The following EPHA6 variants were observed in gnomAD, a reference collection of about 807,000 sequenced individuals.
EPHA6 encodes ephrin type-A receptor 6.
EPHA6 carries 50 observed loss-of-function variants against 112.0 expected under a neutral mutation model. The ratio of observed to expected loss-of-function variants is 0.45; its 90% CI spans 0.36 to 0.56. EPHA6 has a LOEUF of 0.56. Among genes scored for constraint, EPHA6 ranks in the 20% least tolerant of loss-of-function variants. The probability of loss-of-function intolerance (pLI) is 0.00; values close to 1 mark genes in which losing one functional copy is unlikely to be tolerated. For synonymous variants in EPHA6, 529 were observed against 490.7 expected (o/e 1.08, Z -1.03); for missense variants, 1,280 against 1,417.4 (o/e 0.90, Z 1.56).
At chr3:96,830,542 A>G (rs985684797) in intron 1 of EPHA6, among the ~76,000 whole-genome samples, 8 of 152,070 alleles carry the variant, frequency 5.3e-5, no homozygotes, top group Non-Finnish European at 7.4e-5. Context: ...GGTAACCACA[A>G]AGGAAAAAGA....
intron 5 of EPHA6, among the ~76,000 whole-genome samples, chr3:97,298,138 T>C (rs1386230415): frequency 6.6e-6 from 1 of 152,208 alleles, no homozygotes; most frequent in East Asian, 1.9e-4. Context: ...GATTTTTAAA[T>C]CAAACGCAAT....
At chr3:97,075,456 A>T (rs1021415835) in intron 3 of EPHA6, among the ~76,000 whole-genome samples, 3 of 151,988 alleles carry the variant, frequency 2.0e-5, no homozygotes, top group Non-Finnish European at 4.4e-5. Context: ...GGCAATAATG[A>T]TATGTTTAGC....
At chr3:97,532,625 A>G (rs989404150) in intron 11 of EPHA6, 82 bp downstream of exon 11, 1 of 1,119,348 alleles carries the variant, frequency 8.9e-7, no homozygotes, top group African/African-American at 1.6e-5. Context: ...CTTCATAATA[A>G]TACCACAGTC....
intron 6 of EPHA6, among the ~76,000 whole-genome samples, chr3:97,422,950 A>G (rs956470758): frequency 5.3e-5 from 8 of 152,194 alleles, no homozygotes; most frequent in Non-Finnish European, 1.2e-4. Context: ...GTAAAATTCA[A>G]CATCACTTCA....
chr3:96,894,679 A>G (rs1402789598), intron 2 of EPHA6, among the ~76,000 whole-genome samples: 1 of 152,180 alleles, frequency 6.6e-6, no homozygotes, highest in East Asian at 1.9e-4. Context: ...TGATGCAAAC[A>G]TCAACAAGGT....
At chr3:97,713,520 A>G (rs548250913) in intron 14 of EPHA6, among the ~76,000 whole-genome samples, 1 of 152,232 alleles carries the variant, frequency 6.6e-6, no homozygotes, top group Non-Finnish European at 1.5e-5. Context: ...GGTTATTAAG[A>G]ACCAATATTT....
intron 17 of EPHA6, among the ~76,000 whole-genome samples, chr3:97,748,099 G>A (rs1430077610): frequency 5.9e-5 from 9 of 151,932 alleles, no homozygotes; most frequent in Non-Finnish European, 1.3e-4. Context: ...GACAGTAATG[G>A]CAATTTCATA....
chr3:96,972,995 T>A (rs2042377488), intron 2 of EPHA6, among the ~76,000 whole-genome samples: 1 of 152,206 alleles, frequency 6.6e-6, no homozygotes, highest in African/African-American at 2.4e-5. Context: ...GAAAGGCTGT[T>A]TGATTGCCTT....
chr3:97,643,840 G>A (rs1376192597), intron 14 of EPHA6, among the ~76,000 whole-genome samples: 1 of 150,482 alleles, frequency 6.6e-6, no homozygotes, highest in Non-Finnish European at 1.5e-5. Flanking sequence ...TTAATAATGG[G>A]AGACTTTAAC....
At chr3:96,954,187 T>C (rs186717975) in intron 2 of EPHA6, among the ~76,000 whole-genome samples, 106 of 152,286 alleles carry the variant, frequency 7.0e-4, no homozygotes, top group Non-Finnish European at 1.1e-3. Context: ...AGTAGCATCT[T>C]AACCGCTGTC....
At chr3:96,856,845 G>A (rs2035729639) in intron 1 of EPHA6, among the ~76,000 whole-genome samples, 1 of 152,002 alleles carries the variant, frequency 6.6e-6, no homozygotes, top group East Asian at 1.9e-4. Flanking sequence ...GGTTCCCTGG[G>A]GAGACAAATC....
intron 3 of EPHA6, among the ~76,000 whole-genome samples, chr3:97,177,924 TG>T (rs766892583): frequency 1.3e-5 from 2 of 152,164 alleles, no homozygotes; most frequent in African/African-American, 2.4e-5. Context: ...ATCTTTTGTT[TG>T]GAGAGTTTGG....
intron 3 of EPHA6, among the ~76,000 whole-genome samples, chr3:96,989,137 A>G (rs9856751): frequency 0.16 from 24,783 of 152,084 alleles, 2,368 homozygotes; most frequent in Non-Finnish European, 0.22. Context: ...TGTTATATTC[A>G]CATTCATTAA....
intron 14 of EPHA6, among the ~76,000 whole-genome samples, chr3:97,641,819 C>T (rs199969844): frequency 1.3e-5 from 2 of 152,148 alleles, no homozygotes; most frequent in African/African-American, 4.8e-5. Context: ...ATTGCTAGCA[C>T]AGCAGTCTGA....
At chr3:97,108,527 C>T (rs1334014543) in intron 3 of EPHA6, among the ~76,000 whole-genome samples, 3 of 152,102 alleles carry the variant, frequency 2.0e-5, no homozygotes, top group Admixed American at 6.6e-5. Context: ...ACAATACTTA[C>T]GTCAAAATGT....
chr3:96,824,439 A>G (rs2033509093), intron 1 of EPHA6, among the ~76,000 whole-genome samples: 1 of 151,688 alleles, frequency 6.6e-6, no homozygotes, highest in East Asian at 1.9e-4. Flanking sequence ...TTCCTTTTAT[A>G]TAAACATTTA....
At chr3:97,337,607 T>C (rs1245628812) in intron 5 of EPHA6, among the ~76,000 whole-genome samples, 1 of 152,144 alleles carries the variant, frequency 6.6e-6, no homozygotes. Context: ...TTGGTATTCA[T>C]CCAACATTTG....
chr3:97,477,453 G>C (rs561214805), intron 8 of EPHA6, among the ~76,000 whole-genome samples: 1 of 104,802 alleles, frequency 9.5e-6, no homozygotes, highest in African/African-American at 4.9e-5. Flanking sequence ...AAGGGAAGGG[G>C]AGGGGAGGGG....
In EPHA6 at chr3:97,492,169, C is replaced by T. The variant is rs750330330; in HGVS notation, c.2200+8110C>T. Reference sequence around the variant, plus strand: ...TGTCTCTAAGACTATTTTTGCTTTGCACCCCCTAATGAATGATATTAATGT... The same window carrying T: ...TGTCTCTAAGACTATTTTTGCTTTGTACCCCCTAATGAATGATATTAATGT... On this transcript the variant is annotated intron_variant, in intron 10 of 17. Transcript: ENST00000389672. Among the ~76,000 whole-genome samples, 108 of 131,496 alleles carry T rather than the reference C, an allele frequency of 8.2e-4. 3 individuals carry two copies. Among genetic ancestry groups the T allele is most frequent in the East Asian group, 2.0e-4 (1 of 5,014 alleles). 86.3% of individuals were successfully genotyped at this position (131,496 alleles called of 152,430 possible).
Sources: gnomAD v4.1 joint callset for allele counts (sites outside exome capture counted in the v4.1 genomes callset) on GRCh38, gnomAD v4.1.1 for gene constraint, MANE v1.5 for transcripts, NCBI Gene and HGNC (gene_info 2026-07-23, HGNC 2026-07-21) for gene names.